The following NBR1 variants were observed in gnomAD, a reference collection of about 807,000 sequenced individuals.
The protein encoded by NBR1 is next to BRCA1 gene 1 protein.
In NBR1, 59 loss-of-function variants were observed where a neutral mutation model predicts 115.5. The ratio of observed to expected loss-of-function variants is 0.51; its 90% confidence interval spans 0.41 to 0.63. The LOEUF (loss-of-function observed/expected upper bound fraction) is 0.63, where lower values mean the gene tolerates loss of function less well. Among genes scored for constraint, NBR1 ranks in the 30% least tolerant of loss-of-function variants. NBR1 has a pLI of 0.00. For synonymous variants in NBR1, 373 were observed against 414.7 expected (o/e 0.90, Z 1.22); for missense variants, 1,043 against 1,150.5 (o/e 0.91, Z 1.35).
rs1340713482 is a variant in NBR1, at chr17:43,189,663, C to G, written c.556C>G (p.Pro186Ala). Residue 186 changes from proline (P) to alanine (A), a missense_variant, in exon 8 of 21, where the codon CCA becomes GCA. Physicochemically the swap from Pro to Ala is conservative, Grantham distance 27. Coordinates refer to ENST00000590996, the MANE Select transcript of NBR1 (RefSeq NM_005899.5). ...KLHEKLVLQN[P>A]SLGSCPSEVS... ...ACATGAAAAGCTTGTCCTCCAGAAC[C>G]CATCCTTGGGTTCTTGTCCCTCAGA... 6.2e-7 allele frequency: 1 copy of G among 1,613,842 alleles called. No homozygotes were observed. The highest frequency in any genetic ancestry group is 8.5e-7 in the Non-Finnish European group (1 of 1,179,890).
intron 16 of NBR1, 59 bp from the exon 17 acceptor site, chr17:43,200,108 G>T (rs2057161186): frequency 1.5e-6 from 2 of 1,345,138 alleles, no homozygotes; most frequent in Non-Finnish European, 2.0e-6. Flanking sequence ...ACCAAGTAAG[G>T]ATAGTACTTA....
chr17:43,190,093 C>CT (rs34682023), intron 8 of NBR1: 53,057 of 213,546 alleles, frequency 0.25, 6,634 homozygotes, highest in South Asian at 0.28. Context: ...TTCCAAATGC[C>CT]TTTTTTTTTT....
At chr17:43,202,609 G>A in intron 18 of NBR1, 46 bp from the exon 19 acceptor site, 1 of 1,417,116 alleles carries the variant, frequency 7.1e-7, no homozygotes, top group Non-Finnish European at 9.8e-7. Flanking sequence ...GGAAACAGTA[G>A]GTGCTTATGG....
intron 20 of NBR1, among the ~76,000 whole-genome samples, chr17:43,208,594 T>A (rs1006549645): frequency 2.0e-5 from 3 of 152,236 alleles, no homozygotes; most frequent in Non-Finnish European, 4.4e-5. Flanking sequence ...GGTTTGAGTC[T>A]AAGCCTATCT....
chr17:43,181,685 C>G (rs1026234068), intron 5 of NBR1, among the ~76,000 whole-genome samples: 2 of 147,168 alleles, frequency 1.4e-5, no homozygotes, highest in African/African-American at 5.0e-5. Flanking sequence ...AACAAACAAA[C>G]CAAAAAACAA....
At chr17:43,187,502 CTTTTTTTTTTTTT>C (rs71160025) in intron 6 of NBR1, among the ~76,000 whole-genome samples, 1 of 68,836 alleles carries the variant, frequency 1.5e-5, no homozygotes, top group Non-Finnish European at 2.4e-5. Flanking sequence ...TATTTCCTGA[CTTTTTTTTTTTTT>C]TTTTTTTTTT....
chr17:43,171,380 C>T (rs1011654028), intron 1 of NBR1, 78 bp downstream of exon 1: 4 of 152,558 alleles, frequency 2.6e-5, no homozygotes, highest in Admixed American at 1.3e-4. Flanking sequence ...AGGGAGGAAT[C>T]CTGCAAAGAA....
chr17:43,177,300 T>A (rs1389347161), intron 2 of NBR1, among the ~76,000 whole-genome samples: 1 of 97,974 alleles, frequency 1.0e-5, no homozygotes, highest in Admixed American at 1.1e-4. Flanking sequence ...ATATTTTTCG[T>A]TTTTTTTTTT....
chr17:43,202,528 A>G, intron 18 of NBR1, 127 bp from the exon 19 acceptor site: 1 of 615,636 alleles, frequency 1.6e-6, no homozygotes, highest in Non-Finnish European at 2.7e-6. Context: ...TACTTTAAAA[A>G]AAAAAAAAAA....
chr17:43,205,849 A>G (rs1425486808), intron 20 of NBR1, among the ~76,000 whole-genome samples: 1 of 135,624 alleles, frequency 7.4e-6, no homozygotes, highest in East Asian at 2.5e-4. Context: ...CTGAACTCCA[A>G]TGTGGGTGAC....
At chr17:43,209,727 C>A in intron 20 of NBR1, 174 bp from the exon 21 acceptor site, 1 of 1,526,816 alleles carries the variant, frequency 6.5e-7, no homozygotes, top group South Asian at 1.2e-5. Context: ...CTTCCCAGTC[C>A]GAACCGTTGG....
At chr17:43,191,851 GCTGGGACTACAAGCACCC>G (rs1161081760) in intron 10 of NBR1, among the ~76,000 whole-genome samples, 6 of 151,794 alleles carry the variant, frequency 4.0e-5, no homozygotes, top group Non-Finnish European at 7.4e-5. Flanking sequence ...CTCCTGAGTA[GCTGGGACTACAAGCACCC>G]GCCACCACGC....
intron 5 of NBR1, among the ~76,000 whole-genome samples, chr17:43,185,831 T>C (rs2056787509): frequency 6.6e-6 from 1 of 152,042 alleles, no homozygotes; most frequent in South Asian, 2.1e-4. Flanking sequence ...ACCCCATCTC[T>C]ACTACAAATA....
At position 43,186,368 on chromosome 17, in the gene NBR1, A is replaced by C. The variant is rs202098963; in HGVS notation, c.326A>C (p.Lys109Thr). 6.2e-7 allele frequency: 1 copy of C among 1,602,456 alleles called. No individual in the cohort carries two copies. Among genetic ancestry groups the C allele is most frequent in the African/African-American group, 1.3e-5 (1 of 74,848 alleles). ...CGACTAGCTGCCAGGGCAGGGAAGA[A>C]GCCACTTGCACATTACTCTTCACTG... ...AKRLAARAGK[K>T]PLAHYSSLVR... Residue 109 changes from lysine to threonine, a missense_variant, in exon 6 of 21, where the codon AAG (lysine) becomes ACG (threonine). By Grantham distance (78) the Lys-to-Thr change is moderately conservative (BLOSUM62 -1). Transcript: ENST00000590996.
rs1420501931 is a variant in NBR1 at position 43,211,325 on chromosome 17, C to G, written c.*1251C>G. The G allele has an allele frequency of 6.6e-6, 1 of 152,512 alleles. No homozygotes were observed. The highest frequency in any genetic ancestry group is 2.1e-4 in the South Asian group (1 of 4,816). 9.4% of individuals were successfully genotyped at this position (152,512 alleles called of 1,614,324 possible). On this transcript the variant is annotated 3_prime_UTR_variant, in exon 21 of 21. Coordinates refer to ENST00000590996, the MANE Select transcript of NBR1 (RefSeq NM_005899.5). ...AAAAGGAAGAATATGAACCCCAGACCGAAGGGGAAAAGATAGTTAATAGTA... is the reference window on the plus strand; with the variant it reads ...AAAAGGAAGAATATGAACCCCAGACGGAAGGGGAAAAGATAGTTAATAGTA...
At chr17:43,175,205 C>T (rs548012382) in intron 1 of NBR1, among the ~76,000 whole-genome samples, 1 of 152,294 alleles carries the variant, frequency 6.6e-6, no homozygotes, top group Admixed American at 6.5e-5. Flanking sequence ...AGTTTCTTGG[C>T]TAGTGTTTTG....
chr17:43,208,165 A>G (rs1411600704), intron 20 of NBR1, among the ~76,000 whole-genome samples: 1 of 152,222 alleles, frequency 6.6e-6, no homozygotes, highest in African/African-American at 2.4e-5. Flanking sequence ...GAGTAGAAGT[A>G]TGCCACACTT....
In NBR1 at chr17:43,194,957, T is replaced by G; in HGVS notation, c.1675-7T>G. On this transcript the variant is annotated splice_polypyrimidine_tract_variant and splice_region_variant and intron_variant, in intron 13 of 20. Coordinates refer to ENST00000590996, the MANE Select transcript of NBR1 (RefSeq NM_005899.5). Reference sequence around the variant, plus strand: ...TCCAAACAGCCTAACATTGTCTTTTTTTATAGGACCTGCTGTCCTTTGAGC... The same window carrying G: ...TCCAAACAGCCTAACATTGTCTTTTGTTATAGGACCTGCTGTCCTTTGAGC... The G allele has an allele frequency of 6.2e-7, 1 of 1,612,970 alleles. No homozygotes were observed. The highest frequency in any genetic ancestry group is 8.5e-7 in the Non-Finnish European group (1 of 1,179,320).
At chr17:43,172,720 CA>C (rs1234862831) in intron 1 of NBR1, among the ~76,000 whole-genome samples, 3 of 151,946 alleles carry the variant, frequency 2.0e-5, no homozygotes, top group Non-Finnish European at 4.4e-5. Context: ...CTTAGGGTTT[CA>C]AAAAAGTGCC....
Sources: allele counts gnomAD v4.1 joint callset (sites outside exome capture counted in the v4.1 genomes callset), GRCh38; gene constraint gnomAD v4.1.1; transcripts MANE v1.5; gene names NCBI Gene and HGNC (gene_info 2026-07-23, HGNC 2026-07-21).